OTP: variants seen among roughly 807,000 people sequenced by gnomAD.
OTP encodes orthopedia homeobox.
OTP carries 5 observed loss-of-function variants against 22.3 expected under a neutral mutation model. The observed-to-expected ratio is 0.22, with a 90% CI of 0.12 to 0.47. The LOEUF (loss-of-function observed/expected upper bound fraction) is 0.47, where lower values mean the gene tolerates loss of function less well. Among genes scored for constraint, OTP ranks in the 20% least tolerant of loss-of-function variants. The pLI is 0.99. For missense variants in OTP, 428 were observed against 456.2 expected, an observed-to-expected ratio of 0.94 and a Z score of 0.56; for synonymous variants, 229 against 210.6, an observed-to-expected ratio of 1.09 and a Z score of -0.76.
At chr5:77,632,185 C>T (rs1283789926) in intron 2 of OTP, among the ~76,000 whole-genome samples, 2 of 151,882 alleles carry the variant, frequency 1.3e-5, no homozygotes, top group Non-Finnish European at 2.9e-5. Context: ...CCCTCTATCA[C>T]AGAAGAAGAG....
At position 77,630,050 on chromosome 5, in the gene OTP, C is replaced by T; in HGVS notation, c.*214G>A. The T allele has an allele frequency of 3.8e-6, 1 of 262,564 alleles. No homozygotes were observed. Among genetic ancestry groups the T allele is most frequent in the Non-Finnish European group, 7.0e-6 (1 of 142,426 alleles). 16.3% of individuals were successfully genotyped at this position (262,564 alleles called of 1,614,324 possible). A position where few individuals can be genotyped will look rare whatever the true frequency, so the allele number is the denominator to read the frequency against. ...GAGGGGCGGCCGGGAGACGGGGGAC[C>T]GCGGGCGATCGAAATCAGGCGGAGG... On this transcript the variant is annotated 3_prime_UTR_variant, in exon 3 of 3. Transcript: ENST00000306422.
rs1459589784 is a variant in OTP at position 77,629,249 on chromosome 5, C to G, written c.*1015G>C. The G allele has an allele frequency of 6.6e-6, 1 of 152,190 alleles. No individual in the cohort carries two copies. Among genetic ancestry groups the G allele is most frequent in the Non-Finnish European group, 1.5e-5 (1 of 68,044 alleles). 9.4% of individuals were successfully genotyped at this position (152,190 alleles called of 1,614,324 possible). A position where few individuals can be genotyped will look rare whatever the true frequency, so the allele number is the denominator to read the frequency against. ...TTTATTTTATTCTTCCTTATAAAGA[C>G]TTATCAAAATGGGTCAGATCACCTC... On this transcript the variant is annotated 3_prime_UTR_variant, in exon 3 of 3. Transcript: ENST00000306422.
Position 77,629,855 on chromosome 5 carries a change from C to T in OTP, c.*409G>A, listed in dbSNP as rs1353503790. On this transcript the variant is annotated 3_prime_UTR_variant, in exon 3 of 3. Coordinates refer to ENST00000306422, the MANE Select transcript of OTP (RefSeq NM_032109.3). Reference sequence around the variant, plus strand: ...AGGGGACCGGAGGGGAGGCGGCGGGCGAGGGGGGTCGTAGGCGTCGCGTCG... The same window carrying T: ...AGGGGACCGGAGGGGAGGCGGCGGGTGAGGGGGGTCGTAGGCGTCGCGTCG... The T allele has an allele frequency of 2.4e-5, 4 of 164,960 alleles. No individual in the cohort carries two copies. In the East Asian group the frequency reaches 6.5e-4, roughly 27 times the overall value. 10.2% of individuals were successfully genotyped at this position (164,960 alleles called of 1,614,324 possible). A position where few individuals can be genotyped will look rare whatever the true frequency, so the allele number is the denominator to read the frequency against.
rs775583817 is a variant in OTP, at chr5:77,630,742, T to C, written c.500A>G (p.Asn167Ser). The change falls in exon 3 of 3, where the codon AAC (asparagine) becomes AGC (serine). Residue 167 changes from asparagine to serine, a missense_variant. By Grantham distance (46) the Asn-to-Ser change is conservative (BLOSUM62 1). Coordinates refer to ENST00000306422, the MANE Select transcript of OTP (RefSeq NM_032109.3). ...CAGTGTGCCGGGCGCACGGAACACG[T>C]TGGTCGTCTTTTTGCGCTTCTTCCA... ...AKWKKRKKTT[N>S]VFRAPGTLLP... 1.0e-5 allele frequency: 16 copies of C among 1,581,206 alleles called. No homozygotes were observed. Among genetic ancestry groups the C allele is most frequent in the Non-Finnish European group, 1.3e-5 (15 of 1,172,264 alleles).
chr5:77,637,321 G>A, intron 1 of OTP, 91 bp from the exon 2 acceptor site: 1 of 1,379,650 alleles, frequency 7.2e-7, no homozygotes, highest in Non-Finnish European at 9.7e-7. Context: ...ACCCGTCCTC[G>A]GCCCCCTCCG....
At position 77,635,429 on chromosome 5, in the gene OTP, G is replaced by A. The variant is rs142953061; in HGVS notation, c.447+1392C>T. On this transcript the variant is annotated intron_variant, in intron 2 of 2. Coordinates refer to ENST00000306422, the MANE Select transcript of OTP (RefSeq NM_032109.3). ...TTGGTGTGTCGTTTTAAAAGACCAT[G>A]GTCTAGGCCTTTCACTAGGAAAACC... 2.2e-3 allele frequency among the ~76,000 whole-genome samples: 331 copies of A among 152,184 alleles called. 2 individuals are homozygous for A. Among genetic ancestry groups the A allele is most frequent in the African/African-American group, 7.7e-3 (318 of 41,518 alleles).
At position 77,636,932 on chromosome 5, in the gene OTP, G is replaced by A; in HGVS notation, c.336C>T (p.Thr112=). The change falls in exon 2 of 3, where the codon ACC becomes ACT. Residue 112 remains threonine, a synonymous_variant. Transcript: ENST00000306422. ...QKQKRHRTRF[T]PAQLNELERS... ...TCTCCAACTCGTTGAGCTGTGCGGGGGTGAAGCGCGTCCGGTGGCGCTTCT... is the reference window on the plus strand; with the variant it reads ...TCTCCAACTCGTTGAGCTGTGCGGGAGTGAAGCGCGTCCGGTGGCGCTTCT... 6.2e-7 allele frequency: 1 copy of A among 1,614,196 alleles called. No homozygotes were observed. Among genetic ancestry groups the A allele is most frequent in the African/African-American group, 1.3e-5 (1 of 75,062 alleles).
Position 77,638,349 on chromosome 5 carries a change from AT to A in OTP, c.37+163del, listed in dbSNP as rs953357574. 1.3e-4 allele frequency among the ~76,000 whole-genome samples: 19 copies of A among 151,694 alleles called. No homozygotes were observed. The South Asian group carries it at 1.3e-3, about 10-fold the overall frequency. On this transcript the variant is annotated intron_variant, in intron 1 of 2. Coordinates refer to ENST00000306422, the MANE Select transcript of OTP (RefSeq NM_032109.3). ...TTTCTTGGATCTACATATTCCATAGATTTTTTTTTAAAGGCGATGTTAAATC... is the reference window on the plus strand; with the variant it reads ...TTTCTTGGATCTACATATTCCATAGATTTTTTTTAAAGGCGATGTTAAATC...
chr5:77,638,364 C>T (rs1745042719), intron 1 of OTP, 149 bp downstream of exon 1: 3 of 731,682 alleles, frequency 4.1e-6, no homozygotes, highest in East Asian at 2.9e-5. Context: ...TTTTTAAAGG[C>T]GATGTTAAAT....
chr5:77,631,506 T>C (rs1053237729), intron 2 of OTP, among the ~76,000 whole-genome samples: 10 of 151,104 alleles, frequency 6.6e-5, no homozygotes, highest in African/African-American at 2.4e-4. Context: ...GTCTGGGCTG[T>C]ACGAGTGGCT....
Position 77,638,698 on chromosome 5 carries a change from C to A in OTP, c.-149G>T. 2 of 675,612 alleles carry A rather than the reference C, an allele frequency of 3.0e-6. No individual in the cohort carries two copies. Among genetic ancestry groups the A allele is most frequent in the Non-Finnish European group, 4.7e-6 (2 of 427,850 alleles). 41.9% of individuals were successfully genotyped at this position (675,612 alleles called of 1,614,324 possible). A position where few individuals can be genotyped will look rare whatever the true frequency, so the allele number is the denominator to read the frequency against. On this transcript the variant is annotated 5_prime_UTR_variant, in exon 1 of 3. Transcript: ENST00000306422. Reference sequence around the variant, plus strand: ...ATTCGGTTTGTGGTTAAAAAGGGGGCTTCTTGCATTATAATGTCCTTTAGA... The same window carrying A: ...ATTCGGTTTGTGGTTAAAAAGGGGGATTCTTGCATTATAATGTCCTTTAGA...
chr5:77,635,414 G>A (rs1019296576), intron 2 of OTP, among the ~76,000 whole-genome samples: 17 of 152,190 alleles, frequency 1.1e-4, no homozygotes, highest in African/African-American at 3.6e-4. Flanking sequence ...TTGGTGTGTC[G>A]TTTTAAAAGA....
intron 2 of OTP, among the ~76,000 whole-genome samples, chr5:77,631,264 G>A (rs970259493): frequency 6.6e-6 from 1 of 152,226 alleles, no homozygotes; most frequent in Admixed American, 6.5e-5. Flanking sequence ...TTTGGAAATT[G>A]ATGACAGGCT....
At chr5:77,632,538 G>T (rs1033509472) in intron 2 of OTP, among the ~76,000 whole-genome samples, 35 of 152,200 alleles carry the variant, frequency 2.3e-4, no homozygotes, top group African/African-American at 8.2e-4. Flanking sequence ...CCTCGGTCTC[G>T]GTGAGCCAGC....
intron 2 of OTP, 54 bp from the exon 3 acceptor site, chr5:77,630,848 T>G: frequency 6.8e-7 from 1 of 1,466,884 alleles, no homozygotes; most frequent in East Asian, 2.4e-5. Flanking sequence ...GCCCGGCGGC[T>G]GGGGAGTTGG....
rs770210264 is a variant in OTP at position 77,630,460 on chromosome 5, C to T, written c.782G>A (p.Gly261Asp). ...GLSNSLAGSN[G>D]AGLQSHLYQP... ...GTAGAGGTGCGACTGCAGCCCCGCG[C>T]CGTTGGAACCCGCCAGGCTGTTGGA... Residue 261 changes from glycine to aspartate, a missense_variant, in exon 3 of 3, where the codon GGC (glycine) becomes GAC (aspartate). Coordinates refer to ENST00000306422, the MANE Select transcript of OTP (RefSeq NM_032109.3). 1.3e-6 allele frequency: 2 copies of T among 1,585,568 alleles called. No individual in the cohort carries two copies. Among genetic ancestry groups the T allele is most frequent in the Middle Eastern group, 1.7e-4 (1 of 5,988 alleles).
At position 77,630,396 on chromosome 5, in the gene OTP, G is replaced by A. The variant is rs1411435228; in HGVS notation, c.846C>T (p.Pro282=). Residue 282 remains proline, a synonymous_variant, in exon 3 of 3, where the codon CCC becomes CCT. Transcript: ENST00000306422. The part of the protein sequence containing the change: ...AFPGMVPASL[P]GPSNVSGSPQ... The stretch of plus-strand genomic sequence containing the variant: ...GCGAACCGGAGACGTTGCTGGGGCC[G>A]GGGAGGGAGGCGGGCACCATGCCGG... The A allele has an allele frequency of 1.3e-6, 2 of 1,580,752 alleles. No homozygotes were observed. The highest frequency in any genetic ancestry group is 2.3e-5 in the East Asian group (1 of 43,890).
Position 77,630,680 on chromosome 5 carries a change from C to T in OTP, c.562G>A (p.Ala188Thr), listed in dbSNP as rs780568869. ...CCCATGGCGGCGGCAGCGGCGGCGG[C>T]AGCCGACGGGAACTGAGGCAGGCCT... The part of the protein sequence containing the change: ...TPGLPQFPSA[A>T]AAAAAAMGDS... The change falls in exon 3 of 3, where the codon GCC (alanine) becomes ACC (threonine). Residue 188 changes from alanine (A) to threonine (T), a missense_variant. Physicochemically the swap from Ala to Thr is moderately conservative, Grantham distance 58 (BLOSUM62 0). Transcript: ENST00000306422. 29 of 1,579,456 alleles carry T rather than the reference C, an allele frequency of 1.8e-5. No homozygotes were observed. The highest frequency in any genetic ancestry group is 2.2e-5 in the Non-Finnish European group (26 of 1,170,902).
intron 2 of OTP, chr5:77,636,404 T>G: frequency 6.0e-6 from 1 of 167,382 alleles, no homozygotes. Context: ...TTCTGTATAA[T>G]TGTTGCATTC....
Sources: allele counts gnomAD v4.1 joint callset (sites outside exome capture counted in the v4.1 genomes callset), GRCh38; gene constraint gnomAD v4.1.1; transcripts MANE v1.5; gene names NCBI Gene and HGNC (gene_info 2026-07-23, HGNC 2026-07-21).